Variants in TRPM6 observed in about 807,000 individuals in gnomAD.
TRPM6 encodes the protein channel kinase 2.
TRPM6 carries 111 observed loss-of-function variants against 247.6 expected under a neutral mutation model. The ratio of observed to expected loss-of-function variants is 0.45; its 90% CI spans 0.38 to 0.52. The LOEUF is 0.52. Among genes scored for constraint, TRPM6 ranks in the 20% least tolerant of loss-of-function variants. The pLI, the probability that TRPM6 is intolerant of heterozygous loss-of-function variation, is 0.00. For missense variants in TRPM6, 2,126 were observed against 2,421.5 expected (o/e 0.88, Z 2.56); for synonymous variants, 892 against 853.8 (o/e 1.04, Z -0.78).
At position 74,762,817 on chromosome 9, in the gene TRPM6, C is replaced by T; in HGVS notation, c.3854G>A (p.Ser1285Asn). The T allele has an allele frequency of 6.2e-7, 1 of 1,614,158 alleles. No homozygotes were observed. ...TGGGGGATGCCGGCCTCCAGCCAGGCTCCTCAGCAAAGAAGAGGGCATGCT... is the reference window on the plus strand; with the variant it reads ...TGGGGGATGCCGGCCTCCAGCCAGGTTCCTCAGCAAAGAAGAGGGCATGCT... ...YYSMPSSLLR[S>N]LAGGRHPPRV... The change falls in exon 26 of 39, where the codon AGC becomes AAC. Residue 1285 changes from serine to asparagine, a missense_variant. This residue lies in a region of TRPM6 where 717 missense variants were observed against 715.9 expected (regional missense o/e 1.00). Transcript: ENST00000360774.
rs1489164463 is a variant in TRPM6 at position 74,732,684 on chromosome 9, C to T, written c.5828+1G>A. On this transcript the variant is annotated splice_donor_variant, in intron 37 of 38. Coordinates refer to ENST00000360774, the MANE Select transcript of TRPM6 (RefSeq NM_017662.5). LOFTEE classifies it high-confidence loss of function. ...AAATGATAACACATAAATTAACTTA[C>T]TGTTTGACTTCAGGTTTTATAACAG... 6.2e-7 allele frequency: 1 copy of T among 1,601,418 alleles called. No homozygotes were observed. The highest frequency in any genetic ancestry group is 1.3e-5 in the African/African-American group (1 of 74,694).
In TRPM6 at chr9:74,840,111, A is replaced by T; in HGVS notation, c.457T>A (p.Ser153Thr). ...HGGIQNFTMP[S>T]KFKEIFSQGL... ...TGGCTGAAAATCTCTTTAAATTTAG[A>T]GGGCATAGTAAAGTTCTGGATGCCC... The change falls in exon 5 of 39, where the codon TCT becomes ACT. Residue 153 changes from serine (S) to threonine (T), a missense_variant. Transcript: ENST00000360774. 1 of 1,614,086 alleles carries T rather than the reference A, an allele frequency of 6.2e-7. No homozygotes were observed. The highest frequency in any genetic ancestry group is 8.5e-7 in the Non-Finnish European group (1 of 1,179,978).
intron 24 of TRPM6, 64 bp downstream of exon 24, chr9:74,775,819 G>C (rs1322979021): frequency 6.6e-7 from 1 of 1,526,408 alleles, no homozygotes; most frequent in Non-Finnish European, 9.1e-7. Flanking sequence ...TAATACTCCA[G>C]TGCATCTTTG....
At chr9:74,771,247 A>T (rs562120825) in intron 25 of TRPM6, among the ~76,000 whole-genome samples, 1 of 151,960 alleles carries the variant, frequency 6.6e-6, no homozygotes, top group East Asian at 1.9e-4. Context: ...AGTCCACTCA[A>T]CCCCCAGCTC....
chr9:74,822,101 G>A (rs1290595700), intron 7 of TRPM6, among the ~76,000 whole-genome samples: 1 of 152,152 alleles, frequency 6.6e-6, no homozygotes, highest in Non-Finnish European at 1.5e-5. Context: ...AAAAAAATAA[G>A]TATTGCTTAA....
chr9:74,732,447 A>G (rs1324488660), intron 37 of TRPM6, among the ~76,000 whole-genome samples: 2 of 152,218 alleles, frequency 1.3e-5, no homozygotes, highest in African/African-American at 2.4e-5. Context: ...TATAATTTCC[A>G]TTTATGTGTA....
intron 20 of TRPM6, among the ~76,000 whole-genome samples, chr9:74,786,493 A>C (rs1273988737): frequency 6.6e-6 from 1 of 152,198 alleles, no homozygotes; most frequent in Non-Finnish European, 1.5e-5. Flanking sequence ...TAATCCCAGC[A>C]CTTTGGGAGG....
chr9:74,794,472 T>C (rs1018043225), intron 18 of TRPM6, among the ~76,000 whole-genome samples: 7 of 152,158 alleles, frequency 4.6e-5, no homozygotes, highest in South Asian at 4.1e-4. Context: ...CTTAGAAATG[T>C]AGGAATTGGC....
At chr9:74,736,930 T>C (rs1308702770) in intron 36 of TRPM6, among the ~76,000 whole-genome samples, 1 of 152,218 alleles carries the variant, frequency 6.6e-6, no homozygotes, top group Admixed American at 6.5e-5. Flanking sequence ...GAGTCATCAT[T>C]AATTCCTTAA....
In TRPM6 at chr9:74,771,575, G is replaced by A. The variant is rs73532458; in HGVS notation, c.3536+128C>T. Reference sequence around the variant, plus strand: ...TTTGATTACATGAATATTATATGTTGTTAAATGTTTCAAATTATAAAGAAC... The same window carrying A: ...TTTGATTACATGAATATTATATGTTATTAAATGTTTCAAATTATAAAGAAC... On this transcript the variant is annotated intron_variant, in intron 25 of 38. Transcript: ENST00000360774. 9,915 of 853,420 alleles carry A rather than the reference G, an allele frequency of 0.012. 689 individuals carry two copies. In the African/African-American group the frequency reaches 0.15, roughly 13 times the overall value. 52.9% of individuals were successfully genotyped at this position (853,420 alleles called of 1,614,324 possible). A position where few individuals can be genotyped will look rare whatever the true frequency, so the allele number is the denominator to read the frequency against.
chr9:74,880,330 T>TCCCCCCCC, intron 1 of TRPM6, among the ~76,000 whole-genome samples: 1 of 152,062 alleles, frequency 6.6e-6, no homozygotes, highest in Admixed American at 6.5e-5. Flanking sequence ...GATGTAGACG[T>TCCCCCCCC]CCGGAAACAG....
chr9:74,816,574 A>C, intron 11 of TRPM6, 95 bp downstream of exon 11: 1 of 1,031,090 alleles, frequency 9.7e-7, no homozygotes, highest in Non-Finnish European at 1.5e-6. Context: ...ACTTCTACCA[A>C]ACCAATCAAT....
At chr9:74,866,129 G>A (rs909809166) in intron 1 of TRPM6, among the ~76,000 whole-genome samples, 4 of 152,092 alleles carry the variant, frequency 2.6e-5, no homozygotes, top group South Asian at 2.1e-4. Context: ...TCGAGACCCC[G>A]TGTCTACGTC....
rs752997097 is a variant in TRPM6, at chr9:74,762,820, C to T, written c.3851G>A (p.Arg1284Lys). Residue 1284 changes from arginine (R) to lysine (K), a missense_variant, in exon 26 of 39, where the codon AGG (arginine) becomes AAG (lysine). By Grantham distance (26) the Arg-to-Lys change is conservative. Transcript: ENST00000360774. ...GGGATGCCGGCCTCCAGCCAGGCTC[C>T]TCAGCAAAGAAGAGGGCATGCTATA... is the stretch of plus-strand genomic sequence containing the variant. The part of the protein sequence containing the change: ...QYYSMPSSLL[R>K]SLAGGRHPPR... The T allele has an allele frequency of 1.2e-6, 2 of 1,614,164 alleles. No homozygotes were observed. Among genetic ancestry groups the T allele is most frequent in the Non-Finnish European group, 8.5e-7 (1 of 1,180,032 alleles).
At chr9:74,737,470 C>A (rs1237690678) in intron 36 of TRPM6, 3 of 1,284,326 alleles carry the variant, frequency 2.3e-6, no homozygotes, top group African/African-American at 3.0e-5. Flanking sequence ...TCAGACAGGA[C>A]AAGAAAAAGG....
chr9:74,844,710 A>G (rs1446737945), intron 3 of TRPM6, among the ~76,000 whole-genome samples: 1 of 152,188 alleles, frequency 6.6e-6, no homozygotes, highest in Non-Finnish European at 1.5e-5. Flanking sequence ...TTGTGTGTTC[A>G]CTGGAGTAGC....
intron 1 of TRPM6, among the ~76,000 whole-genome samples, chr9:74,877,524 CCACCACCAGA>C (rs1831230958): frequency 1.3e-5 from 2 of 152,082 alleles, no homozygotes; most frequent in African/African-American, 2.4e-5. Context: ...TAGAGTCCAG[CCACCACCAGA>C]CTGCATCCTA....
At chr9:74,840,564 C>T (rs1436651722) in intron 4 of TRPM6, among the ~76,000 whole-genome samples, 1 of 152,146 alleles carries the variant, frequency 6.6e-6, no homozygotes, top group African/African-American at 2.4e-5. Flanking sequence ...CCTGTAATTC[C>T]AGCACTTCGG....
At chr9:74,725,364 T>C (rs1187202245) in intron 38 of TRPM6, among the ~76,000 whole-genome samples, 1 of 152,108 alleles carries the variant, frequency 6.6e-6, no homozygotes, top group Non-Finnish European at 1.5e-5. Context: ...GAACATGTAT[T>C]TCTTATTTTT....
Sources: gnomAD v4.1 joint callset for allele counts (sites outside exome capture counted in the v4.1 genomes callset) on GRCh38, gnomAD v4.1.1 for gene constraint, gnomAD v4.1.1 regional missense constraint, MANE v1.5 for transcripts, NCBI Gene and HGNC (gene_info 2026-07-23, HGNC 2026-07-21) for gene names.